ACSBG2: variants seen among roughly 807,000 people sequenced by gnomAD.
ACSBG2 encodes long-chain-fatty-acid--CoA ligase ACSBG2.
Under a neutral mutation model 74.7 loss-of-function variants are expected in ACSBG2, and 62 were observed. The observed-to-expected ratio is 0.83, with a 90% CI of 0.68 to 1.03. The LOEUF (loss-of-function observed/expected upper bound fraction) is 1.03. Ranked by LOEUF, ACSBG2 falls within the 50% of genes least tolerant of loss-of-function variation. The probability of loss-of-function intolerance (pLI) is 0.00; values close to 1 mark genes in which losing one functional copy is unlikely to be tolerated. For synonymous variants in ACSBG2, 309 were observed against 294.1 expected (o/e 1.05, Z -0.52); for missense variants, 730 against 817.6 (o/e 0.89, Z 1.31).
intron 7 of ACSBG2, chr19:6,176,267 C>T (rs2090085598): frequency 1.0e-5 from 14 of 1,337,344 alleles, no homozygotes; most frequent in South Asian, 8.1e-5. Context: ...GGTCCTTACT[C>T]GATCTTACCT....
intron 5 of ACSBG2, among the ~76,000 whole-genome samples, chr19:6,157,972 G>C (rs543155406): frequency 6.6e-6 from 1 of 151,262 alleles, no homozygotes; most frequent in East Asian, 2.0e-4. Context: ...TTGTATGTTT[G>C]CTTTGTGTTC....
At position 6,182,850 on chromosome 19, in the gene ACSBG2, G is replaced by A. The variant is rs377656710; in HGVS notation, c.1006G>A (p.Ala336Thr). 27 of 1,614,054 alleles carry A rather than the reference G, an allele frequency of 1.7e-5. No homozygotes were observed. In the Admixed American group the frequency reaches 3.3e-4, roughly 20 times the overall value. The change falls in exon 9 of 15, where the codon GCC becomes ACC. Residue 336 changes from alanine to threonine, a missense_variant. By Grantham distance (58) the Ala-to-Thr change is moderately conservative. Transcript: ENST00000588485. ...KIHEMVKKNSAKSMGLKKKAF... is the reference protein window; with the variant it reads ...KIHEMVKKNSTKSMGLKKKAF... The stretch of plus-strand genomic sequence containing the variant: ...ACATGAGATGGTGAAGAAAAATAGT[G>A]CCAAGTCCATGGGCTTGAAGAAGAA...
chr19:6,155,756 G>A (rs77751982), intron 4 of ACSBG2, among the ~76,000 whole-genome samples: 8,739 of 147,002 alleles, frequency 0.059, 798 homozygotes, highest in African/African-American at 0.2. Flanking sequence ...CACCACTGCA[G>A]GCCAGCCTGG....
intron 7 of ACSBG2, chr19:6,176,150 T>G (rs910306338): frequency 6.5e-6 from 3 of 464,956 alleles, no homozygotes; most frequent in Non-Finnish European, 1.1e-5. Flanking sequence ...TAATTCTCCC[T>G]GATTAAAAAA....
chr19:6,181,058 A>G (rs535716280), intron 8 of ACSBG2, among the ~76,000 whole-genome samples: 5,352 of 150,168 alleles, frequency 0.036, 200 homozygotes, highest in African/African-American at 0.096. Flanking sequence ...AAAAAAAAAA[A>G]AAAAGAAAAA....
chr19:6,171,713 A>C (rs1177603421), intron 7 of ACSBG2, among the ~76,000 whole-genome samples: 3 of 152,046 alleles, frequency 2.0e-5, no homozygotes, highest in South Asian at 2.1e-4. Context: ...ATTGTGTAGC[A>C]TCTCACAGGA....
chr19:6,140,950 T>C (rs1254493621), intron 1 of ACSBG2, among the ~76,000 whole-genome samples: 1 of 152,196 alleles, frequency 6.6e-6, no homozygotes, highest in Non-Finnish European at 1.5e-5. Flanking sequence ...CGCTTTCCCA[T>C]TGGGTTTTGG....
At position 6,187,263 on chromosome 19, in the gene ACSBG2, C is replaced by G; in HGVS notation, c.1541-20C>G. 2 of 1,613,798 alleles carry G rather than the reference C, an allele frequency of 1.2e-6. 1 individual carries two copies. The highest frequency in any genetic ancestry group is 2.2e-5 in the South Asian group (2 of 91,046). The stretch of plus-strand genomic sequence containing the variant: ...CACGTTGTCATGGCTGGACATGTAC[C>G]AAGCCAAGCTCTGTTCCAGAAATCC... On this transcript the variant is annotated intron_variant, in intron 11 of 14. Coordinates refer to ENST00000588485, the MANE Select transcript of ACSBG2 (RefSeq NM_030924.5).
intron 1 of ACSBG2, among the ~76,000 whole-genome samples, chr19:6,137,741 G>A (rs2088640227): frequency 6.6e-6 from 1 of 152,044 alleles, no homozygotes; most frequent in African/African-American, 2.4e-5. Context: ...TCTGCCTCTT[G>A]GGTTCAAGCA....
In ACSBG2 at chr19:6,190,565, A is replaced by T. The variant is rs75925971; in HGVS notation, c.1928-19A>T. Reference sequence around the variant, plus strand: ...TTCTTTTATCTCCACAACTCAATTGATTTCTCCTTTCTCGATAGGTCCAAT... The same window carrying T: ...TTCTTTTATCTCCACAACTCAATTGTTTTCTCCTTTCTCGATAGGTCCAAT... On this transcript the variant is annotated intron_variant, in intron 13 of 14. Coordinates refer to ENST00000588485, the MANE Select transcript of ACSBG2 (RefSeq NM_030924.5). 0.016 allele frequency: 26,001 copies of T among 1,609,356 alleles called. 518 individuals carry two copies. The highest frequency in any genetic ancestry group is 0.1 in the African/African-American group (7,676 of 74,772).
In ACSBG2 at chr19:6,187,809, T is replaced by C. The variant is rs542505773; in HGVS notation, c.1891T>C (p.Leu631=). The change falls in exon 13 of 15, where the codon TTG becomes CTG. Residue 631 remains leucine (L), a synonymous_variant. Transcript: ENST00000588485. ...ACAGAGGATTGAAAAGTGGGTCATC[T>C]TGGAGAAGGACTTTTCCATCTATGG... ...NAQRIEKWVI[L]EKDFSIYGGE... is the part of the protein sequence containing the mutation. 6.2e-7 allele frequency: 1 copy of C among 1,614,240 alleles called. No homozygotes were observed. The highest frequency in any genetic ancestry group is 1.1e-5 in the South Asian group (1 of 91,084).
Position 6,183,052 on chromosome 19 carries a change from C to G in ACSBG2, c.1102C>G (p.Pro368Ala). The G allele has an allele frequency of 1.2e-6, 2 of 1,614,168 alleles. No individual in the cohort carries two copies. The highest frequency in any genetic ancestry group is 1.7e-6 in the Non-Finnish European group (2 of 1,180,026). Residue 368 changes from proline to alanine, a missense_variant, in exon 10 of 15, where the codon CCC becomes GCC. Coordinates refer to ENST00000588485, the MANE Select transcript of ACSBG2 (RefSeq NM_030924.5). ...SKKMLGKYNT[P>A]VSYRMAKTLV... ...TCTTATTCACAGGAAATATAATACT[C>G]CCGTGAGCTACCGCATGGCTAAGAC...
chr19:6,185,950 A>C (rs2090393358), intron 11 of ACSBG2, among the ~76,000 whole-genome samples: 1 of 152,196 alleles, frequency 6.6e-6, no homozygotes, highest in African/African-American at 2.4e-5. Context: ...ACTCAGTAAG[A>C]GAAGGATAAA....
chr19:6,179,595 T>G (rs544644067), intron 8 of ACSBG2, among the ~76,000 whole-genome samples: 2 of 152,312 alleles, frequency 1.3e-5, no homozygotes, highest in African/African-American at 4.8e-5. Context: ...GAACAGAAAC[T>G]TAGTGACTTA....
intron 7 of ACSBG2, among the ~76,000 whole-genome samples, chr19:6,168,093 A>G (rs2089863127): frequency 6.6e-6 from 1 of 151,820 alleles, no homozygotes; most frequent in Non-Finnish European, 1.5e-5. Context: ...CCCTCCAGGT[A>G]AAAGCCCAAG....
At chr19:6,159,785 C>T (rs2089546607) in intron 5 of ACSBG2, among the ~76,000 whole-genome samples, 1 of 152,182 alleles carries the variant, frequency 6.6e-6, no homozygotes, top group Non-Finnish European at 1.5e-5. Context: ...ATCTGGGCCT[C>T]ACCATTCTTT....
chr19:6,191,082 T>G, intron 14 of ACSBG2: 1 of 176,114 alleles, frequency 5.7e-6, no homozygotes, highest in Admixed American at 5.5e-5. Flanking sequence ...AAAGTTCTAC[T>G]TGCCAGGAAC....
intron 6 of ACSBG2, among the ~76,000 whole-genome samples, chr19:6,165,208 G>A (rs539322532): frequency 2.8e-4 from 42 of 152,268 alleles, no homozygotes; most frequent in Admixed American, 9.2e-4. Context: ...TCTTGGCTCC[G>A]CTCCAGCCTT....
intron 5 of ACSBG2, among the ~76,000 whole-genome samples, chr19:6,159,989 G>A (rs966785239): frequency 6.6e-6 from 1 of 152,134 alleles, no homozygotes; most frequent in African/African-American, 2.4e-5. Context: ...TGCCAGAGGC[G>A]TGGTTATGAT....
Sources: allele counts gnomAD v4.1 joint callset (sites outside exome capture counted in the v4.1 genomes callset), GRCh38; gene constraint gnomAD v4.1.1; transcripts MANE v1.5; gene names NCBI Gene and HGNC (gene_info 2026-07-23, HGNC 2026-07-21).